BMP6: variants seen among roughly 807,000 people sequenced by gnomAD.
BMP6 encodes bone morphogenetic protein 6.
BMP6 carries 17 observed loss-of-function variants against 54.1 expected under a neutral mutation model. That is an observed-to-expected ratio of 0.31 (90% confidence interval 0.22 to 0.47). BMP6 has a LOEUF of 0.47. Ranked by LOEUF, BMP6 falls within the 20% of genes least tolerant of loss-of-function variation. The probability of loss-of-function intolerance (pLI) is 1.00; values close to 1 mark genes in which losing one functional copy is unlikely to be tolerated. For missense variants in BMP6, 720 were observed against 690.4 expected, an observed-to-expected ratio of 1.04 and a Z score of -0.48; for synonymous variants, 328 against 291.2, an observed-to-expected ratio of 1.13 and a Z score of -1.28.
At chr6:7,820,175 A>G (rs960058912) in intron 1 of BMP6, among the ~76,000 whole-genome samples, 2 of 152,256 alleles carry the variant, frequency 1.3e-5, no homozygotes, top group Admixed American at 1.3e-4. Context: ...AAGTATGTGT[A>G]TATACCTTTT....
rs200180054 is a variant in BMP6, at chr6:7,845,089, G to A, written c.665-51G>A. The stretch of plus-strand genomic sequence containing the variant: ...GGGAAACTGGTGAGGTAAGCCCGTG[G>A]CACTTAGTCAAGTAACAATAGTTGT... On this transcript the variant is annotated intron_variant, in intron 1 of 6. Transcript: ENST00000283147. 7 of 1,513,116 alleles carry A rather than the reference G, an allele frequency of 4.6e-6. No homozygotes were observed. The East Asian group carries it at 1.6e-4, about 34-fold the overall frequency. The allele number at this position is 1,513,116 out of a possible 1,614,324, so 93.7% of individuals were successfully genotyped here. A position where few individuals can be genotyped will look rare whatever the true frequency, so the allele number is the denominator to read the frequency against.
intron 2 of BMP6, 143 bp from the exon 3 acceptor site, chr6:7,861,308 G>A: frequency 1.9e-6 from 2 of 1,080,408 alleles, no homozygotes; most frequent in South Asian, 1.5e-5. Context: ...GCCTTTCAGG[G>A]CTATGGCAAG....
intron 1 of BMP6, among the ~76,000 whole-genome samples, chr6:7,804,047 T>C (rs1758310873): frequency 6.6e-6 from 1 of 152,144 alleles, no homozygotes; most frequent in Non-Finnish European, 1.5e-5. Context: ...CCAATGAATA[T>C]AAAATGCTAA....
intron 1 of BMP6, among the ~76,000 whole-genome samples, chr6:7,823,898 G>A (rs1419230046): frequency 1.3e-5 from 2 of 152,160 alleles, no homozygotes; most frequent in African/African-American, 2.4e-5. Context: ...CCCTGAAAAG[G>A]TTTTTGCTCT....
intron 1 of BMP6, among the ~76,000 whole-genome samples, chr6:7,797,271 A>G: frequency 6.6e-6 from 1 of 152,212 alleles, no homozygotes; most frequent in East Asian, 1.9e-4. Context: ...CTCAGTCTCC[A>G]AAATAAATCT....
intron 1 of BMP6, among the ~76,000 whole-genome samples, chr6:7,748,941 G>A (rs968163830): frequency 7.9e-5 from 12 of 152,148 alleles, no homozygotes; most frequent in Admixed American, 6.5e-4. Context: ...GCAAAAAATC[G>A]AGAAATCCTG....
At chr6:7,762,362 G>A (rs989927586) in intron 1 of BMP6, among the ~76,000 whole-genome samples, 37 of 152,308 alleles carry the variant, frequency 2.4e-4, no homozygotes, top group African/African-American at 8.7e-4. Context: ...ACACTTGAAG[G>A]TCTGCTTTAA....
rs1017206465 is a variant in BMP6, at chr6:7,726,453, G to T, written c.-503G>T. ...CTGCAACGGGGTAAACTTCATGGTGGCCCTGCGATCTGGGGAGGGGCGTGC... is the reference window on the plus strand; with the variant it reads ...CTGCAACGGGGTAAACTTCATGGTGTCCCTGCGATCTGGGGAGGGGCGTGC... On this transcript the variant is annotated 5_prime_UTR_variant, in exon 1 of 7. Transcript: ENST00000283147. Among the ~76,000 whole-genome samples the T allele has an allele frequency of 2.0e-5, 3 of 152,180 alleles. No individual in the cohort carries two copies. Among genetic ancestry groups the T allele is most frequent in the Admixed American group, 2.0e-4 (3 of 15,282 alleles).
chr6:7,784,629 T>G (rs1006501978), intron 1 of BMP6, among the ~76,000 whole-genome samples: 31 of 152,386 alleles, frequency 2.0e-4, no homozygotes, highest in African/African-American at 7.0e-4. Flanking sequence ...AAATTCATTT[T>G]TTCTTGCAAA....
At chr6:7,806,211 C>T (rs1758345437) in intron 1 of BMP6, among the ~76,000 whole-genome samples, 1 of 152,250 alleles carries the variant, frequency 6.6e-6, no homozygotes, top group African/African-American at 2.4e-5. Flanking sequence ...CACCCTCACA[C>T]ATAGCAGATC....
chr6:7,824,665 TC>T (rs1758664795), intron 1 of BMP6, among the ~76,000 whole-genome samples: 1 of 152,198 alleles, frequency 6.6e-6, no homozygotes, highest in Admixed American at 6.5e-5. Context: ...AAAAGGGTAA[TC>T]TGATAATCCC....
chr6:7,820,240 A>T (rs1054160707), intron 1 of BMP6, among the ~76,000 whole-genome samples: 5 of 152,240 alleles, frequency 3.3e-5, no homozygotes, highest in African/African-American at 1.2e-4. Context: ...TTTTGTAAGT[A>T]GATTTTTAAA....
chr6:7,801,499 AT>A (rs1758269846), intron 1 of BMP6, among the ~76,000 whole-genome samples: 1 of 152,230 alleles, frequency 6.6e-6, no homozygotes, highest in Non-Finnish European at 1.5e-5. Flanking sequence ...TAGTGATCAA[AT>A]GCTGAGGTCC....
At chr6:7,869,643 G>A (rs1288434720) in intron 4 of BMP6, among the ~76,000 whole-genome samples, 1 of 152,118 alleles carries the variant, frequency 6.6e-6, no homozygotes, top group Non-Finnish European at 1.5e-5. Flanking sequence ...CTGTCACATG[G>A]GCCCCGGCAG....
At chr6:7,876,518 G>A (rs1280574859) in intron 4 of BMP6, among the ~76,000 whole-genome samples, 1 of 152,158 alleles carries the variant, frequency 6.6e-6, no homozygotes, top group African/African-American at 2.4e-5. Context: ...TTTACAAAGA[G>A]ACAGTCATGT....
intron 1 of BMP6, among the ~76,000 whole-genome samples, chr6:7,810,013 G>A (rs1444740487): frequency 2.0e-5 from 3 of 152,144 alleles, no homozygotes; most frequent in Non-Finnish European, 2.9e-5. Context: ...GAGAATGTTA[G>A]CTCAAAGTTT....
chr6:7,857,285 A>G (rs1759256793), intron 2 of BMP6, among the ~76,000 whole-genome samples: 1 of 152,208 alleles, frequency 6.6e-6, no homozygotes, highest in Admixed American at 6.5e-5. Context: ...TTAATTTGTT[A>G]AGAACCTCAT....
Position 7,727,325 on chromosome 6 carries a change from C to G in BMP6, c.370C>G (p.Pro124Ala). The G allele has an allele frequency of 6.2e-7, 1 of 1,609,058 alleles. No individual in the cohort carries two copies. Residue 124 changes from proline to alanine, a missense_variant, in exon 1 of 7, where the codon CCC becomes GCC. Pro to Ala is a conservative substitution (Grantham distance 27). Transcript: ENST00000283147. ...GCAGCAGCAGCTGCCTCGCGGAGAG[C>G]CCCCTCCCGGGCGACTGAAGTCCGC... ...QQQQQLPRGE[P>A]PPGRLKSAPL... is the part of the protein sequence containing the mutation.
chr6:7,847,291 C>G (rs547464939), intron 2 of BMP6, among the ~76,000 whole-genome samples: 19 of 152,284 alleles, frequency 1.2e-4, no homozygotes, highest in African/African-American at 4.6e-4. Flanking sequence ...AGGGGAAATT[C>G]TGGGAGAACT....
Sources: allele counts gnomAD v4.1 joint callset (sites outside exome capture counted in the v4.1 genomes callset), GRCh38; gene constraint gnomAD v4.1.1; transcripts MANE v1.5; gene names NCBI Gene and HGNC (gene_info 2026-07-23, HGNC 2026-07-21).